Variants in RBM20 observed in about 807,000 individuals in gnomAD.
RBM20 encodes RNA binding motif protein 20.
RBM20 carries 51 observed loss-of-function variants against 110.1 expected under a neutral mutation model. The observed-to-expected ratio is 0.46, with a 90% CI of 0.37 to 0.59. The LOEUF is 0.59. RBM20 is among the 20% of genes least tolerant of loss of function. The pLI is 0.00. For missense variants in RBM20, 1,512 were observed against 1,574.9 expected, an observed-to-expected ratio of 0.96 and a Z score of 0.68; for synonymous variants, 589 against 618.2, an observed-to-expected ratio of 0.95 and a Z score of 0.70.
chr10:110,751,006 C>A (rs1843846338), intron 1 of RBM20, among the ~76,000 whole-genome samples: 2 of 42,910 alleles, frequency 4.7e-5, no homozygotes, highest in African/African-American at 2.0e-4. Flanking sequence ...GTGGGGCAGA[C>A]TAGAGTGACG....
At chr10:110,798,744 C>T (rs1291549624) in intron 6 of RBM20, among the ~76,000 whole-genome samples, 1 of 152,136 alleles carries the variant, frequency 6.6e-6, no homozygotes, top group Non-Finnish European at 1.5e-5. Context: ...TTGTTTAGAT[C>T]ATTTAGTTTA....
At chr10:110,725,915 GC>G (rs1419839489) in intron 1 of RBM20, among the ~76,000 whole-genome samples, 1 of 152,230 alleles carries the variant, frequency 6.6e-6, no homozygotes, top group Non-Finnish European at 1.5e-5. Flanking sequence ...GGAATCTGCT[GC>G]GTGTGCAGCC....
chr10:110,730,443 T>G (rs1843609145), intron 1 of RBM20, among the ~76,000 whole-genome samples: 2 of 152,292 alleles, frequency 1.3e-5, no homozygotes, highest in South Asian at 4.1e-4. Flanking sequence ...TCACAGGTCC[T>G]CCAGCAGAAA....
At position 110,839,276 on chromosome 10, in the gene RBM20, G is replaced by A. The variant is rs1262961455; in HGVS notation, c.*3298G>A. 6.6e-6 allele frequency: 1 copy of A among 152,110 alleles called. No individual in the cohort carries two copies. The highest frequency in any genetic ancestry group is 1.5e-5 in the Non-Finnish European group (1 of 68,016). The allele number at this position is 152,110 out of a possible 1,614,324, so 9.4% of individuals were successfully genotyped here. The stretch of plus-strand genomic sequence containing the variant: ...AGATAATTAGATTATACTTGAACTG[G>A]ACCAGAGTTTGTTTTTTGAATTTAT... On this transcript the variant is annotated 3_prime_UTR_variant, in exon 14 of 14. Coordinates refer to ENST00000369519, the MANE Select transcript of RBM20 (RefSeq NM_001134363.3).
chr10:110,831,321 T>C lies in RBM20; in HGVS notation c.3573+139T>C, dbSNP rs529452405. ...AGGCCTACTCCAGGCCACAGGTTAC[T>C]TGCCATTCCCCAAGCACACCAGGCT... On this transcript the variant is annotated intron_variant, in intron 13 of 13. Transcript: ENST00000369519. 28 of 830,880 alleles carry C rather than the reference T, an allele frequency of 3.4e-5. No individual in the cohort carries two copies. The East Asian group carries it at 7.9e-4, about 23-fold the overall frequency. 51.5% of individuals were successfully genotyped at this position (830,880 alleles called of 1,614,324 possible). A position where few individuals can be genotyped will look rare whatever the true frequency, so the allele number is the denominator to read the frequency against.
rs1702265449 is a variant in RBM20, at chr10:110,839,450, A to G, written c.*3472A>G. ...AAAGAGAAAAGAAAAGATTTTTAAT[A>G]AAGAGAATTTGAAAGCTGTGAGTGA... On this transcript the variant is annotated 3_prime_UTR_variant, in exon 14 of 14. Transcript: ENST00000369519. 3.3e-5 allele frequency: 5 copies of G among 152,166 alleles called. No homozygotes were observed. Among genetic ancestry groups the G allele is most frequent in the Admixed American group, 3.3e-4 (5 of 15,280 alleles). The allele number at this position is 152,166 out of a possible 1,614,324, so 9.4% of individuals were successfully genotyped here.
intron 5 of RBM20, among the ~76,000 whole-genome samples, chr10:110,796,502 A>G (rs181018180): frequency 5.1e-4 from 78 of 152,356 alleles, no homozygotes; most frequent in African/African-American, 1.8e-3. Context: ...AAAGTATTTC[A>G]TATCACCAAG....
chr10:110,703,270 C>G (rs1163367634), intron 1 of RBM20, among the ~76,000 whole-genome samples: 1 of 151,090 alleles, frequency 6.6e-6, no homozygotes, highest in African/African-American at 2.4e-5. Flanking sequence ...TCCAGCTACT[C>G]GGGAGGCTGA....
chr10:110,648,218 A>G (rs543177532), intron 1 of RBM20, among the ~76,000 whole-genome samples: 2 of 152,294 alleles, frequency 1.3e-5, no homozygotes, highest in South Asian at 4.1e-4. Flanking sequence ...TCCAGCTTTG[A>G]TCTCTTTGAT....
Position 110,839,130 on chromosome 10 carries a change from C to T in RBM20, c.*3152C>T, listed in dbSNP as rs1031254908. On this transcript the variant is annotated 3_prime_UTR_variant, in exon 14 of 14. Coordinates refer to ENST00000369519, the MANE Select transcript of RBM20 (RefSeq NM_001134363.3). Reference sequence around the variant, plus strand: ...TGTATAATTGTCTTTTCATTGTTAACACCCAAAATAGCATCTATCTAGACA... The same window carrying T: ...TGTATAATTGTCTTTTCATTGTTAATACCCAAAATAGCATCTATCTAGACA... 2 of 152,282 alleles carry T rather than the reference C, an allele frequency of 1.3e-5. No homozygotes were observed. Among genetic ancestry groups the T allele is most frequent in the African/African-American group, 4.8e-5 (2 of 41,546 alleles). 9.4% of individuals were successfully genotyped at this position (152,282 alleles called of 1,614,324 possible). A position where few individuals can be genotyped will look rare whatever the true frequency, so the allele number is the denominator to read the frequency against.
Position 110,703,069 on chromosome 10 carries a change from G to C in RBM20, c.191+58424G>C, listed in dbSNP as rs58850763. 2.3e-3 allele frequency among the ~76,000 whole-genome samples: 339 copies of C among 148,202 alleles called. 1 individual carries two copies. Among genetic ancestry groups the C allele is most frequent in the African/African-American group, 8.0e-3 (323 of 40,342 alleles). ...TTTTGTTGAGATAATTGTAGATTCA[G>C]ATGCACTTGTAGGAAATAATTTAGG... is the stretch of plus-strand genomic sequence containing the variant. On this transcript the variant is annotated intron_variant, in intron 1 of 13. Coordinates refer to ENST00000369519, the MANE Select transcript of RBM20 (RefSeq NM_001134363.3).
chr10:110,651,018 A>AT (rs1487133044), intron 1 of RBM20, among the ~76,000 whole-genome samples: 1 of 151,892 alleles, frequency 6.6e-6, no homozygotes, highest in Admixed American at 6.6e-5. Context: ...AGAGGAAAAA[A>AT]CTCTGGACTG....
At position 110,831,202 on chromosome 10, in the gene RBM20, G is replaced by T. The variant is rs1230806893; in HGVS notation, c.3573+20G>T. ...TTACAGGTAAAAATCCACTCTCCTT[G>T]CCCAGCATGCCAGGGGCTCCCCAGT... On this transcript the variant is annotated intron_variant, in intron 13 of 13. Transcript: ENST00000369519. 3 of 1,547,808 alleles carry T rather than the reference G, an allele frequency of 1.9e-6. No homozygotes were observed. Among genetic ancestry groups the T allele is most frequent in the Admixed American group, 2.0e-5 (1 of 50,884 alleles).
intron 1 of RBM20, among the ~76,000 whole-genome samples, chr10:110,737,776 C>T (rs575651040): frequency 8.5e-5 from 13 of 152,288 alleles, no homozygotes; most frequent in African/African-American, 2.9e-4. Flanking sequence ...TATTCCATTA[C>T]AGGAATACAC....
Position 110,812,530 on chromosome 10 carries a change from C to T in RBM20, c.2133C>T (p.Arg711=). ...RDRMDPWAHD[R]KHHPRQLDKA... ...GGATGGACCCCTGGGCACATGATCGCAAACACCACCCCCGGCAACTGGACA... is the reference window on the plus strand; with the variant it reads ...GGATGGACCCCTGGGCACATGATCGTAAACACCACCCCCGGCAACTGGACA... Residue 711 remains arginine, a synonymous_variant, in exon 9 of 14, where the codon CGC becomes CGT. Coordinates refer to ENST00000369519, the MANE Select transcript of RBM20 (RefSeq NM_001134363.3). 6.4e-7 allele frequency: 1 copy of T among 1,551,754 alleles called. No homozygotes were observed. The highest frequency in any genetic ancestry group is 8.7e-7 in the Non-Finnish European group (1 of 1,147,012).
rs1207142086 is a variant in RBM20 at position 110,780,960 on chromosome 10, C to G, written c.351C>G (p.Ala117=). 1.3e-6 allele frequency: 2 copies of G among 1,551,756 alleles called. No homozygotes were observed. The highest frequency in any genetic ancestry group is 2.0e-5 in the Admixed American group (1 of 51,002). The change falls in exon 2 of 14, where the codon GCC becomes GCG. Residue 117 remains alanine (A), a synonymous_variant. Transcript: ENST00000369519. ...QTAVTNNTAA[A]TVLNQVLSKV... is the part of the protein sequence containing the mutation. The stretch of plus-strand genomic sequence containing the variant: ...CTGTCACCAACAACACTGCAGCCGC[C>G]ACAGTCCTGAACCAAGTCCTCTCCA...
chr10:110,781,986 GGGGTAA>G (rs1286935894), intron 2 of RBM20, 102 bp downstream of exon 2: 7 of 1,410,514 alleles, frequency 5.0e-6, no homozygotes, highest in African/African-American at 1.4e-5. Context: ...CTGTTGCATT[GGGGTAA>G]CAGAATTTTG....
At chr10:110,816,638 C>T (rs1844844704) in intron 9 of RBM20, among the ~76,000 whole-genome samples, 1 of 152,190 alleles carries the variant, frequency 6.6e-6, no homozygotes, top group South Asian at 2.1e-4. Context: ...TTGTCACCCC[C>T]AGCTCCAGGT....
chr10:110,733,524 A>G (rs77988486), intron 1 of RBM20, among the ~76,000 whole-genome samples: 1 of 152,218 alleles, frequency 6.6e-6, no homozygotes, highest in African/African-American at 2.4e-5. Context: ...TGTGGTTACT[A>G]TGAATAGAAT....
Sources: gnomAD v4.1 joint callset for allele counts (sites outside exome capture counted in the v4.1 genomes callset) on GRCh38, gnomAD v4.1.1 for gene constraint, MANE v1.5 for transcripts, NCBI Gene and HGNC (gene_info 2026-07-23, HGNC 2026-07-21) for gene names.